The following H2BC3 variants were observed in gnomAD, a reference collection of about 807,000 sequenced individuals.
The protein encoded by H2BC3 is H2B clustered histone 3, also known as histone H2B type 1-B.
Under a neutral mutation model 6.0 loss-of-function variants are expected in H2BC3, and 8 were observed. The observed-to-expected ratio is 1.33, with a 90% CI of 0.78 to 2.40. H2BC3 has a LOEUF of 2.40. H2BC3 is among the 30% of genes most tolerant of loss of function. H2BC3 has a pLI of 0.00. For missense variants in H2BC3, 222 were observed against 163.2 expected (o/e 1.36, Z -1.96); for synonymous variants, 122 against 66.2 (o/e 1.84, Z -4.09).
chr6:26,043,647 G>A lies in H2BC3; in HGVS notation c.11C>T (p.Pro4Leu), dbSNP rs139397968. Residue 4 changes from proline (P) to leucine (L), a missense_variant, in exon 1 of 1, where the codon CCC (proline) becomes CTC (leucine). By Grantham distance (98) the Pro-to-Leu change is moderately conservative (BLOSUM62 -3). Coordinates refer to ENST00000615966, the MANE Select transcript of H2BC3 (RefSeq NM_021062.3). ...TTTAGGGGCTGGAGCAGACTTAGAGGGTTCAGGCATTGCTATTCCTAAACA... is the reference window on the plus strand; with the variant it reads ...TTTAGGGGCTGGAGCAGACTTAGAGAGTTCAGGCATTGCTATTCCTAAACA... MPE[P>L]SKSAPAPKKG... The A allele has an allele frequency of 5.7e-5, 91 of 1,596,244 alleles. No homozygotes were observed. The highest frequency in any genetic ancestry group is 1.6e-4 in the Admixed American group (9 of 56,240).
rs151259814 is a variant in H2BC3, at chr6:26,043,603, T to C, written c.55A>G (p.Ile19Val). The C allele has an allele frequency of 1.9e-6, 3 of 1,613,668 alleles. No homozygotes were observed. The highest frequency in any genetic ancestry group is 2.7e-5 in the African/African-American group (2 of 74,914). Residue 19 changes from isoleucine to valine, a missense_variant, in exon 1 of 1, where the codon ATC becomes GTC. Ile to Val is a conservative substitution (Grantham distance 29). Transcript: ENST00000615966. ...CCATCCTTCTTCTGCGCCTTAGTGA[T>C]AGCCTTCTTAGAACCCTTTTTAGGG... ...PAPKKGSKKA[I>V]TKAQKKDGKK...
Position 26,043,243 on chromosome 6 carries a change from G to A in H2BC3, c.*34C>T, listed in dbSNP as rs1429909097. ...GTGACAAAGTAGGTGGCTCTGAAAA[G>A]AGCCTTTGGGTTTGGAAGTGCTTAC... On this transcript the variant is annotated 3_prime_UTR_variant, in exon 1 of 1. Coordinates refer to ENST00000615966, the MANE Select transcript of H2BC3 (RefSeq NM_021062.3). The A allele has an allele frequency of 2.0e-6, 3 of 1,534,196 alleles. No homozygotes were observed. The Admixed American group carries it at 6.5e-5, about 33-fold the overall frequency.
At position 26,043,689 on chromosome 6, in the gene H2BC3, A is replaced by G. The variant is rs1761679373; in HGVS notation, c.-32T>C. On this transcript the variant is annotated 5_prime_UTR_variant, in exon 1 of 1. Transcript: ENST00000615966. ...TCCTAAACAGAATAGAAAAGCTACT[A>G]ACACTCTCCACTACAGAGTAGTACA... 1 of 1,550,698 alleles carries G rather than the reference A, an allele frequency of 6.4e-7. No homozygotes were observed. The highest frequency in any genetic ancestry group is 1.2e-5 in the South Asian group (1 of 80,010).
At position 26,043,583 on chromosome 6, in the gene H2BC3, C is replaced by T. The variant is rs760513217; in HGVS notation, c.75G>A (p.Lys25=). The change falls in exon 1 of 1, where the codon AAG becomes AAA. Residue 25 remains lysine (K), a synonymous_variant. Coordinates refer to ENST00000615966, the MANE Select transcript of H2BC3 (RefSeq NM_021062.3). The part of the protein sequence containing the change: ...SKKAITKAQK[K]DGKKRKRSRK... ...GGCTGCGCTTACGCTTCTTACCATC[C>T]TTCTTCTGCGCCTTAGTGATAGCCT... 79 of 1,613,988 alleles carry T rather than the reference C, an allele frequency of 4.9e-5. No homozygotes were observed. The highest frequency in any genetic ancestry group is 4.9e-5 in the Non-Finnish European group (58 of 1,179,960).
chr6:26,043,681 A>G lies in H2BC3; in HGVS notation c.-24T>C, dbSNP rs768955458. The stretch of plus-strand genomic sequence containing the variant: ...ATTGCTATTCCTAAACAGAATAGAA[A>G]AGCTACTAACACTCTCCACTACAGA... On this transcript the variant is annotated 5_prime_UTR_variant, in exon 1 of 1. Coordinates refer to ENST00000615966, the MANE Select transcript of H2BC3 (RefSeq NM_021062.3). 1.3e-6 allele frequency: 2 copies of G among 1,559,162 alleles called. No homozygotes were observed. The highest frequency in any genetic ancestry group is 1.7e-6 in the Non-Finnish European group (2 of 1,156,660).
chr6:26,043,636 C>T lies in H2BC3; in HGVS notation c.22G>A (p.Ala8Thr). 1 of 1,608,932 alleles carries T rather than the reference C, an allele frequency of 6.2e-7. No individual in the cohort carries two copies. The highest frequency in any genetic ancestry group is 1.1e-5 in the South Asian group (1 of 90,436). Reference sequence around the variant, plus strand: ...TTAGAACCCTTTTTAGGGGCTGGAGCAGACTTAGAGGGTTCAGGCATTGCT... The same window carrying T: ...TTAGAACCCTTTTTAGGGGCTGGAGTAGACTTAGAGGGTTCAGGCATTGCT... Reference protein sequence around the residue: MPEPSKSAPAPKKGSKKA... With the variant: MPEPSKSTPAPKKGSKKA... The change falls in exon 1 of 1, where the codon GCT becomes ACT. Residue 8 changes from alanine to threonine, a missense_variant. Coordinates refer to ENST00000615966, the MANE Select transcript of H2BC3 (RefSeq NM_021062.3).
chr6:26,043,692 A>C lies in H2BC3; in HGVS notation c.-35T>G. ...TAAACAGAATAGAAAAGCTACTAACACTCTCCACTACAGAGTAGTACAGAG... is the reference window on the plus strand; with the variant it reads ...TAAACAGAATAGAAAAGCTACTAACCCTCTCCACTACAGAGTAGTACAGAG... On this transcript the variant is annotated 5_prime_UTR_variant, in exon 1 of 1. Coordinates refer to ENST00000615966, the MANE Select transcript of H2BC3 (RefSeq NM_021062.3). 1 of 1,543,076 alleles carries C rather than the reference A, an allele frequency of 6.5e-7. No individual in the cohort carries two copies. Among genetic ancestry groups the C allele is most frequent in the Non-Finnish European group, 8.7e-7 (1 of 1,148,594 alleles).
Position 26,043,484 on chromosome 6 carries a change from C to T in H2BC3, c.174G>A (p.Lys58=), listed in dbSNP as rs1761668505. The T allele has an allele frequency of 1.2e-6, 2 of 1,614,212 alleles. No individual in the cohort carries two copies. Among genetic ancestry groups the T allele is most frequent in the Non-Finnish European group, 1.7e-6 (2 of 1,180,046 alleles). The change falls in exon 1 of 1, where the codon AAG becomes AAA. Residue 58 remains lysine, a synonymous_variant. Coordinates refer to ENST00000615966, the MANE Select transcript of H2BC3 (RefSeq NM_021062.3). ...CGAAGGAATTCATGATCCCCATGGCCTTGGATGAGATGCCGGTGTCGGGGT... is the reference window on the plus strand; with the variant it reads ...CGAAGGAATTCATGATCCCCATGGCTTTGGATGAGATGCCGGTGTCGGGGT... ...QVHPDTGISS[K]AMGIMNSFVN... is the part of the protein sequence containing the mutation.
chr6:26,043,313 G>A lies in H2BC3; in HGVS notation c.345C>T (p.Gly115=), dbSNP rs1157461279. 4.3e-6 allele frequency: 7 copies of A among 1,612,908 alleles called. No homozygotes were observed. In the Middle Eastern group the frequency reaches 5.0e-4, roughly 114 times the overall value. ...GELAKHAVSE[G]TKAVTKYTSS... is the part of the protein sequence containing the mutation. Reference sequence around the variant, plus strand: ...TAGTGTACTTGGTAACTGCCTTAGTGCCCTCGGACACAGCATGCTTAGCCA... The same window carrying A: ...TAGTGTACTTGGTAACTGCCTTAGTACCCTCGGACACAGCATGCTTAGCCA... The change falls in exon 1 of 1, where the codon GGC becomes GGT. Residue 115 remains glycine (G), a synonymous_variant. Coordinates refer to ENST00000615966, the MANE Select transcript of H2BC3 (RefSeq NM_021062.3).
Position 26,043,669 on chromosome 6 carries a change from A to C in H2BC3, c.-12T>G. 1 of 1,570,236 alleles carries C rather than the reference A, an allele frequency of 6.4e-7. No homozygotes were observed. The highest frequency in any genetic ancestry group is 8.6e-7 in the Non-Finnish European group (1 of 1,161,468). On this transcript the variant is annotated 5_prime_UTR_variant, in exon 1 of 1. Transcript: ENST00000615966. Reference sequence around the variant, plus strand: ...GAGGGTTCAGGCATTGCTATTCCTAAACAGAATAGAAAAGCTACTAACACT... The same window carrying C: ...GAGGGTTCAGGCATTGCTATTCCTACACAGAATAGAAAAGCTACTAACACT...
chr6:26,043,650 T>A lies in H2BC3; in HGVS notation c.8A>T (p.Glu3Val). Residue 3 changes from glutamate to valine, a missense_variant, in exon 1 of 1, where the codon GAA becomes GTA. Physicochemically the swap from Glu to Val is moderately radical, Grantham distance 121. Transcript: ENST00000615966. ...AGGGGCTGGAGCAGACTTAGAGGGT[T>A]CAGGCATTGCTATTCCTAAACAGAA... is the stretch of plus-strand genomic sequence containing the variant. The part of the protein sequence containing the change: MP[E>V]PSKSAPAPKK... 6.3e-7 allele frequency: 1 copy of A among 1,595,146 alleles called. No individual in the cohort carries two copies. Among genetic ancestry groups the A allele is most frequent in the Non-Finnish European group, 8.5e-7 (1 of 1,171,858 alleles).
rs1294341694 is a variant in H2BC3, at chr6:26,043,453, C to T, written c.205G>A (p.Asp69Asn). 2.5e-6 allele frequency: 4 copies of T among 1,614,134 alleles called. No individual in the cohort carries two copies. The highest frequency in any genetic ancestry group is 3.4e-6 in the Non-Finnish European group (4 of 1,180,034). The part of the protein sequence containing the change: ...AMGIMNSFVN[D>N]IFERIAGEAS... ...TCGCCCGCGATGCGCTCGAAGATGT[C>T]GTTGACGAAGGAATTCATGATCCCC... Residue 69 changes from aspartate to asparagine, a missense_variant, in exon 1 of 1, where the codon GAC becomes AAC. By Grantham distance (23) the Asp-to-Asn change is conservative. Coordinates refer to ENST00000615966, the MANE Select transcript of H2BC3 (RefSeq NM_021062.3).
chr6:26,043,281 T>A lies in H2BC3; in HGVS notation c.377A>T (p.Lys126Ile). Residue 126 changes from lysine to isoleucine, a missense_variant, in exon 1 of 1, where the codon AAA becomes ATA. Lys to Ile is a moderately radical substitution (Grantham distance 102). Coordinates refer to ENST00000615966, the MANE Select transcript of H2BC3 (RefSeq NM_021062.3). ...TKAVTKYTSS[K>I] ...TGGAAGTGCTTACATAAGCACTTAT[T>A]TAGAGCTAGTGTACTTGGTAACTGC... 1.9e-6 allele frequency: 3 copies of A among 1,596,360 alleles called. No homozygotes were observed. The highest frequency in any genetic ancestry group is 2.6e-6 in the Non-Finnish European group (3 of 1,172,232).
In H2BC3 at chr6:26,043,500, G is replaced by A; in HGVS notation, c.158C>T (p.Thr53Ile). Residue 53 changes from threonine to isoleucine, a missense_variant, in exon 1 of 1, where the codon ACC becomes ATC. By Grantham distance (89) the Thr-to-Ile change is moderately conservative (BLOSUM62 -1). Transcript: ENST00000615966. ...YKVLKQVHPD[T>I]GISSKAMGIM... ...CCCCATGGCCTTGGATGAGATGCCG[G>A]TGTCGGGGTGGACCTGCTTCAGAAC... The A allele has an allele frequency of 6.2e-7, 1 of 1,614,234 alleles. No individual in the cohort carries two copies. The highest frequency in any genetic ancestry group is 8.5e-7 in the Non-Finnish European group (1 of 1,180,040).
rs760513217 is a variant in H2BC3, at chr6:26,043,583, C to G, written c.75G>C (p.Lys25Asn). 78 of 1,613,988 alleles carry G rather than the reference C, an allele frequency of 4.8e-5. 1 individual carries two copies. The highest frequency in any genetic ancestry group is 3.6e-5 in the Non-Finnish European group (43 of 1,179,960). The change falls in exon 1 of 1, where the codon AAG becomes AAC. Residue 25 changes from lysine to asparagine, a missense_variant. Physicochemically the swap from Lys to Asn is moderately conservative, Grantham distance 94. Coordinates refer to ENST00000615966, the MANE Select transcript of H2BC3 (RefSeq NM_021062.3). ...GGCTGCGCTTACGCTTCTTACCATC[C>G]TTCTTCTGCGCCTTAGTGATAGCCT... ...SKKAITKAQK[K>N]DGKKRKRSRK...
rs1403764043 is a variant in H2BC3, at chr6:26,043,510, G to A, written c.148C>T (p.His50Tyr). Reference protein sequence around the residue: ...IYVYKVLKQVHPDTGISSKAM... With the variant: ...IYVYKVLKQVYPDTGISSKAM... ...TTGGATGAGATGCCGGTGTCGGGGT[G>A]GACCTGCTTCAGAACCTTGTACACA... The change falls in exon 1 of 1, where the codon CAC (histidine) becomes TAC (tyrosine). Residue 50 changes from histidine (H) to tyrosine (Y), a missense_variant. By Grantham distance (83) the His-to-Tyr change is moderately conservative. Coordinates refer to ENST00000615966, the MANE Select transcript of H2BC3 (RefSeq NM_021062.3). 3 of 1,614,198 alleles carry A rather than the reference G, an allele frequency of 1.9e-6. No homozygotes were observed. The highest frequency in any genetic ancestry group is 1.1e-5 in the South Asian group (1 of 91,084).
At position 26,043,540 on chromosome 6, in the gene H2BC3, T is replaced by C; in HGVS notation, c.118A>G (p.Ile40Val). 14 of 1,614,204 alleles carry C rather than the reference T, an allele frequency of 8.7e-6. No individual in the cohort carries two copies. Among genetic ancestry groups the C allele is most frequent in the Non-Finnish European group, 1.2e-5 (14 of 1,180,038 alleles). ...RKRSRKESYS[I>V]YVYKVLKQVH... ...TGCTTCAGAACCTTGTACACATAGA[T>C]AGAATAGCTCTCCTTGCGGCTGCGC... is the stretch of plus-strand genomic sequence containing the variant. Residue 40 changes from isoleucine to valine, a missense_variant, in exon 1 of 1, where the codon ATC becomes GTC. Coordinates refer to ENST00000615966, the MANE Select transcript of H2BC3 (RefSeq NM_021062.3).
Position 26,043,708 on chromosome 6 carries a change from T to A in H2BC3, c.-51A>T, listed in dbSNP as rs760932354. ...GCTACTAACACTCTCCACTACAGAG[T>A]AGTACAGAGAACAGTTCAGAGCCCA... On this transcript the variant is annotated 5_prime_UTR_variant, in exon 1 of 1. Coordinates refer to ENST00000615966, the MANE Select transcript of H2BC3 (RefSeq NM_021062.3). 38 of 1,515,280 alleles carry A rather than the reference T, an allele frequency of 2.5e-5. No individual in the cohort carries two copies. The highest frequency in any genetic ancestry group is 3.4e-5 in the Non-Finnish European group (38 of 1,131,228). 93.9% of individuals were successfully genotyped at this position (1,515,280 alleles called of 1,614,324 possible). A position where few individuals can be genotyped will look rare whatever the true frequency, so the allele number is the denominator to read the frequency against.
chr6:26,043,600 T>C lies in H2BC3; in HGVS notation c.58A>G (p.Thr20Ala). 6.2e-7 allele frequency: 1 copy of C among 1,613,974 alleles called. No homozygotes were observed. Among genetic ancestry groups the C allele is most frequent in the Non-Finnish European group, 8.5e-7 (1 of 1,179,900 alleles). The change falls in exon 1 of 1, where the codon ACT (threonine) becomes GCT (alanine). Residue 20 changes from threonine to alanine, a missense_variant. Thr to Ala is a moderately conservative substitution (Grantham distance 58). Transcript: ENST00000615966. ...TTACCATCCTTCTTCTGCGCCTTAG[T>C]GATAGCCTTCTTAGAACCCTTTTTA... ...APKKGSKKAI[T>A]KAQKKDGKKR...
Sources: gnomAD v4.1 joint callset for allele counts on GRCh38, gnomAD v4.1.1 for gene constraint, MANE v1.5 for transcripts, NCBI Gene and HGNC (gene_info 2026-07-23, HGNC 2026-07-21) for gene names.